The following MTUS2 variants were observed in gnomAD, a reference collection of about 807,000 sequenced individuals.
MTUS2 encodes the protein microtubule-associated tumor suppressor candidate 2.
Under a neutral mutation model 114.1 loss-of-function variants are expected in MTUS2, and 40 were observed. The observed-to-expected ratio is 0.35, with a 90% CI of 0.27 to 0.46. MTUS2 has a LOEUF of 0.46. Among genes scored for constraint, MTUS2 ranks in the 20% least tolerant of loss-of-function variants. MTUS2 has a pLI of 1.00. For missense variants in MTUS2, 1,679 were observed against 1,705.4 expected (o/e 0.98, Z 0.27); for synonymous variants, 688 against 672.0 (o/e 1.02, Z -0.37).
At chr13:29,051,447 G>T (rs1887892974) in intron 4 of MTUS2, among the ~76,000 whole-genome samples, 1 of 152,128 alleles carries the variant, frequency 6.6e-6, no homozygotes, top group South Asian at 2.1e-4. Context: ...ATGAGTCAGG[G>T]GTTCTTGAAG....
intron 5 of MTUS2, among the ~76,000 whole-genome samples, chr13:29,230,923 A>G (rs984613884): frequency 6.6e-5 from 10 of 152,112 alleles, no homozygotes; most frequent in African/African-American, 2.2e-4. Flanking sequence ...TTTTTTCACC[A>G]TTGGATTTTG....
intron 5 of MTUS2, among the ~76,000 whole-genome samples, chr13:29,209,881 T>G (rs1895352952): frequency 6.6e-6 from 1 of 152,224 alleles, no homozygotes; most frequent in African/African-American, 2.4e-5. Context: ...TGTCTTCACT[T>G]TAGATAACCT....
chr13:29,330,149 G>C (rs1900708878), intron 7 of MTUS2, among the ~76,000 whole-genome samples: 1 of 152,154 alleles, frequency 6.6e-6, no homozygotes, highest in African/African-American at 2.4e-5. Context: ...TCTAACTGCT[G>C]TGAGATGGTA....
At chr13:28,881,395 T>G (rs970465064) in intron 2 of MTUS2, among the ~76,000 whole-genome samples, 1 of 152,212 alleles carries the variant, frequency 6.6e-6, no homozygotes, top group African/African-American at 2.4e-5. Flanking sequence ...ACACTTAGGT[T>G]GATTCTATGA....
At chr13:29,250,887 C>T (rs921809535) in intron 5 of MTUS2, among the ~76,000 whole-genome samples, 7 of 152,154 alleles carry the variant, frequency 4.6e-5, no homozygotes, top group South Asian at 2.1e-4. Flanking sequence ...AGAAGATGTG[C>T]AGTCCCCATA....
rs1566249840 is a variant in MTUS2, at chr13:28,955,242, C to CAT, written c.-242-69215_-242-69214insAT. Among the ~76,000 whole-genome samples, 5 of 151,656 alleles carry CAT rather than the reference C, an allele frequency of 3.3e-5. No homozygotes were observed. The South Asian group carries it at 6.2e-4, about 19-fold the overall frequency. ...ATTGCACGATTTCTGTGAAGTTTTGCGTAATGCAGCTTGCATTATGGTTAA... is the reference window on the plus strand; with the variant it reads ...ATTGCACGATTTCTGTGAAGTTTTGCATGTAATGCAGCTTGCATTATGGTTAA... On this transcript the variant is annotated intron_variant, in intron 2 of 15. Coordinates refer to ENST00000612955, the MANE Select transcript of MTUS2 (RefSeq NM_001033602.4).
At chr13:29,446,495 G>A (rs779375879) in intron 9 of MTUS2, among the ~76,000 whole-genome samples, 4 of 152,218 alleles carry the variant, frequency 2.6e-5, no homozygotes, top group Non-Finnish European at 4.4e-5. Flanking sequence ...GCCATAAAAT[G>A]TTCTATAGTG....
At chr13:29,190,457 C>G (rs1894401114) in intron 5 of MTUS2, among the ~76,000 whole-genome samples, 1 of 152,212 alleles carries the variant, frequency 6.6e-6, no homozygotes, top group Admixed American at 6.5e-5. Context: ...GGCTCTGGAA[C>G]TGGTAGCCCA....
At chr13:29,112,671 G>T (rs1237697177) in intron 5 of MTUS2, among the ~76,000 whole-genome samples, 2 of 152,142 alleles carry the variant, frequency 1.3e-5, no homozygotes, top group African/African-American at 2.4e-5. Context: ...AGAGATTGAA[G>T]ATGAAAGCAA....
At chr13:29,002,685 A>T (rs771830215) in intron 2 of MTUS2, among the ~76,000 whole-genome samples, 23 of 152,216 alleles carry the variant, frequency 1.5e-4, no homozygotes, top group African/African-American at 5.1e-4. Flanking sequence ...TTAGATCGTC[A>T]TGCTGAGTTC....
Position 28,944,347 on chromosome 13 carries a change from A to G in MTUS2, c.-242-80110A>G, listed in dbSNP as rs553657387. Among the ~76,000 whole-genome samples the G allele has an allele frequency of 2.6e-5, 4 of 152,230 alleles. No homozygotes were observed. In the South Asian group the frequency reaches 8.3e-4, roughly 32 times the overall value. The stretch of plus-strand genomic sequence containing the variant: ...TTCTAAGTGTATAGAGAAATTTTCA[A>G]TTCTGTTTTATTTTTTTCTACACTT... On this transcript the variant is annotated intron_variant, in intron 2 of 15. Coordinates refer to ENST00000612955, the MANE Select transcript of MTUS2 (RefSeq NM_001033602.4).
chr13:29,033,811 G>C (rs17072576), intron 3 of MTUS2, 74 bp from the exon 4 acceptor site: 1 of 1,565,978 alleles, frequency 6.4e-7, no homozygotes, highest in African/African-American at 1.4e-5. Context: ...GTTCAGCCTC[G>C]GTCTCGTGGT....
chr13:29,456,907 G>A (rs543541058), intron 9 of MTUS2, among the ~76,000 whole-genome samples: 76 of 152,236 alleles, frequency 5.0e-4, no homozygotes, highest in Middle Eastern at 6.8e-3. Flanking sequence ...GGAGGCTGAG[G>A]CGGGCGAATC....
chr13:29,439,990 G>T lies in MTUS2; in HGVS notation c.3125G>T (p.Ser1042Ile). Residue 1042 changes from serine (S) to isoleucine (I), a missense_variant, in exon 9 of 16, where the codon AGT (serine) becomes ATT (isoleucine). By Grantham distance (142) the Ser-to-Ile change is moderately radical. Transcript: ENST00000612955. ...CCGTTTTTGTTTTTTCAGAATGAAA[G>T]TGCCCTTGTGAAAGAAAAAGAGCTG... Reference protein sequence around the residue: ...ATQHFFRKNESALVKEKELSI... With the variant: ...ATQHFFRKNEIALVKEKELSI... 6.3e-7 allele frequency: 1 copy of T among 1,582,766 alleles called. No homozygotes were observed. Among genetic ancestry groups the T allele is most frequent in the Non-Finnish European group, 8.6e-7 (1 of 1,162,450 alleles).
chr13:29,166,660 T>C (rs1427240621), intron 5 of MTUS2, among the ~76,000 whole-genome samples: 1 of 152,252 alleles, frequency 6.6e-6, no homozygotes, highest in Non-Finnish European at 1.5e-5. Context: ...GTAGTTTTTA[T>C]ATGTATTTAC....
At chr13:29,429,105 T>A (rs1379465452) in intron 8 of MTUS2, among the ~76,000 whole-genome samples, 1 of 152,260 alleles carries the variant, frequency 6.6e-6, no homozygotes, top group Non-Finnish European at 1.5e-5. Flanking sequence ...GTGCCTTACA[T>A]AATTCTGTAT....
intron 5 of MTUS2, among the ~76,000 whole-genome samples, chr13:29,261,916 G>T (rs182154497): frequency 6.7e-6 from 1 of 149,682 alleles, no homozygotes. Context: ...ATGGTAAAAA[G>T]TTGCCTTTAA....
chr13:28,837,145 T>A (rs529982148), intron 1 of MTUS2, among the ~76,000 whole-genome samples: 1 of 152,192 alleles, frequency 6.6e-6, no homozygotes, highest in East Asian at 1.9e-4. Context: ...TGTTCTTCAT[T>A]GTAGTTGTGC....
At chr13:29,457,669 A>G (rs1445878714) in intron 9 of MTUS2, among the ~76,000 whole-genome samples, 1 of 152,168 alleles carries the variant, frequency 6.6e-6, no homozygotes, top group African/African-American at 2.4e-5. Context: ...CCCTACATAT[A>G]GAATTGCTGG....
Sources: allele counts gnomAD v4.1 joint callset (sites outside exome capture counted in the v4.1 genomes callset), GRCh38; gene constraint gnomAD v4.1.1; transcripts MANE v1.5; gene names NCBI Gene and HGNC (gene_info 2026-07-23, HGNC 2026-07-21).